The following BMPR1B variants were observed in gnomAD, a reference collection of about 807,000 sequenced individuals.
BMPR1B encodes bone morphogenetic protein receptor type-1B.
Under a neutral mutation model 59.1 loss-of-function variants are expected in BMPR1B, and 12 were observed. The observed-to-expected ratio is 0.20, with a 90% confidence interval of 0.13 to 0.33. The LOEUF is 0.33. Ranked by LOEUF, BMPR1B falls within the 10% of genes least tolerant of loss-of-function variation. BMPR1B has a pLI of 1.00. For synonymous variants in BMPR1B, 237 were observed against 207.3 expected (o/e 1.14, Z -1.23); for missense variants, 550 against 610.9 (o/e 0.90, Z 1.05).
chr4:94,838,073 G>C lies in BMPR1B; in HGVS notation c.-182-37758G>C, dbSNP rs1236246009. Among the ~76,000 whole-genome samples, 9 of 144,564 alleles carry C rather than the reference G, an allele frequency of 6.2e-5. 1 individual carries two copies. Among genetic ancestry groups the C allele is most frequent in the Non-Finnish European group, 1.2e-4 (8 of 65,388 alleles). The allele number at this position is 144,564 out of a possible 152,430, so 94.8% of individuals were successfully genotyped here. A position where few individuals can be genotyped will look rare whatever the true frequency, so the allele number is the denominator to read the frequency against. ...TGCTGGATTACATGTATTGATTTGCGTATATTGAACCAGTCTTGCATCCCA... is the reference window on the plus strand; with the variant it reads ...TGCTGGATTACATGTATTGATTTGCCTATATTGAACCAGTCTTGCATCCCA... On this transcript the variant is annotated intron_variant, in intron 1 of 12. Coordinates refer to ENST00000515059, the MANE Select transcript of BMPR1B (RefSeq NM_001203.3).
intron 3 of BMPR1B, among the ~76,000 whole-genome samples, chr4:95,063,691 A>G (rs1727582834): frequency 6.6e-6 from 1 of 152,232 alleles, no homozygotes; most frequent in South Asian, 2.1e-4. Context: ...AATCAGTAGT[A>G]GTAAATAAAA....
chr4:95,104,176 A>G (rs1284643956), intron 3 of BMPR1B, among the ~76,000 whole-genome samples: 1 of 152,152 alleles, frequency 6.6e-6, no homozygotes. Context: ...TTACAATTTA[A>G]TACATAAAAT....
intron 3 of BMPR1B, among the ~76,000 whole-genome samples, chr4:95,087,478 C>T (rs1027101840): frequency 2.0e-5 from 3 of 152,060 alleles, no homozygotes; most frequent in African/African-American, 7.2e-5. Context: ...CACCCGTAAT[C>T]CCAGAACTTT....
rs529267700 is a variant in BMPR1B, at chr4:94,768,804, A to G, written c.-183+10736A>G. 5.3e-5 allele frequency among the ~76,000 whole-genome samples: 8 copies of G among 152,310 alleles called. No homozygotes were observed. The South Asian group carries it at 1.4e-3, about 28-fold the overall frequency. ...ATTTGATTATGTAGTTTCACTTAAA[A>G]TGTTTTGTGAAATGTTTATATTTTG... On this transcript the variant is annotated intron_variant, in intron 1 of 12. Transcript: ENST00000515059.
intron 2 of BMPR1B, among the ~76,000 whole-genome samples, chr4:94,919,904 A>G (rs1048146042): frequency 6.6e-6 from 1 of 152,160 alleles, no homozygotes; most frequent in Non-Finnish European, 1.5e-5. Context: ...AAAAGTGGGG[A>G]CAGTGTCGTC....
chr4:94,780,277 A>G (rs887640739), intron 1 of BMPR1B, among the ~76,000 whole-genome samples: 5 of 152,196 alleles, frequency 3.3e-5, no homozygotes, highest in Non-Finnish European at 5.9e-5. Flanking sequence ...ATACAATATG[A>G]GATCTCTGGT....
chr4:95,050,806 T>C, intron 3 of BMPR1B, among the ~76,000 whole-genome samples: 1 of 152,334 alleles, frequency 6.6e-6, no homozygotes, highest in East Asian at 1.9e-4. Context: ...TGACAATTCA[T>C]TTATCTTTCT....
Position 95,109,867 on chromosome 4 carries a change from C to A in BMPR1B, c.144-4853C>A, listed in dbSNP as rs1000098515. 7.0e-5 allele frequency among the ~76,000 whole-genome samples: 9 copies of A among 128,010 alleles called. No individual in the cohort carries two copies. In the East Asian group the frequency reaches 1.1e-3, roughly 16 times the overall value. 84.0% of individuals were successfully genotyped at this position (128,010 alleles called of 152,430 possible). ...TAATGCTATCCCTCCCCCCTCCCCC[C>A]ACCCCACAACAGTCCCCGGTGTGTG... On this transcript the variant is annotated intron_variant, in intron 4 of 12. Transcript: ENST00000515059.
chr4:94,999,880 C>T (rs1222562636), intron 3 of BMPR1B, among the ~76,000 whole-genome samples: 1 of 152,110 alleles, frequency 6.6e-6, no homozygotes, highest in African/African-American at 2.4e-5. Flanking sequence ...CCATTTCAGG[C>T]AGAAGAAGAA....
intron 1 of BMPR1B, among the ~76,000 whole-genome samples, chr4:94,817,787 C>T (rs1056440103): frequency 6.6e-6 from 1 of 152,168 alleles, no homozygotes; most frequent in African/African-American, 2.4e-5. Flanking sequence ...TCAGGATCTT[C>T]AGAGAAAGAG....
chr4:95,064,910 A>G (rs1727685379), intron 3 of BMPR1B, among the ~76,000 whole-genome samples: 1 of 152,156 alleles, frequency 6.6e-6, no homozygotes, highest in African/African-American at 2.4e-5. Flanking sequence ...TGGAATCCTC[A>G]TCTGTGGCTC....
intron 3 of BMPR1B, among the ~76,000 whole-genome samples, chr4:95,070,080 CAA>C (rs1560630746): frequency 1.3e-5 from 2 of 152,086 alleles, no homozygotes; most frequent in Non-Finnish European, 2.9e-5. Context: ...GCCTGGGCAA[CAA>C]GAGAGAAACT....
At chr4:94,921,054 T>G (rs1261382615) in intron 2 of BMPR1B, among the ~76,000 whole-genome samples, 1 of 152,118 alleles carries the variant, frequency 6.6e-6, no homozygotes, top group Non-Finnish European at 1.5e-5. Context: ...AAAAGTAACT[T>G]TTTCTGAACT....
At chr4:94,999,207 C>T (rs1722273097) in intron 3 of BMPR1B, among the ~76,000 whole-genome samples, 1 of 151,934 alleles carries the variant, frequency 6.6e-6, no homozygotes, top group African/African-American at 2.4e-5. Context: ...TTATGCTTCC[C>T]CAAGACCTAG....
rs143486517 is a variant in BMPR1B at position 95,024,375 on chromosome 4, C to T, written c.-18+28241C>T. On this transcript the variant is annotated intron_variant, in intron 3 of 12. Transcript: ENST00000515059. ...GGTATCAGCTTTTTAGGATTTTCCC[C>T]GCTTTCTAGAATTCTCCTATGTCCT... Among the ~76,000 whole-genome samples the T allele has an allele frequency of 3.4e-3, 513 of 152,236 alleles. 3 individuals are homozygous for T. The highest frequency in any genetic ancestry group is 0.012 in the African/African-American group (486 of 41,534).
chr4:95,144,096 C>A (rs935649256), intron 10 of BMPR1B, among the ~76,000 whole-genome samples: 13 of 151,982 alleles, frequency 8.6e-5, no homozygotes, highest in Non-Finnish European at 1.6e-4. Flanking sequence ...TTCCCCTTTA[C>A]CCCCAGGCTC....
intron 1 of BMPR1B, among the ~76,000 whole-genome samples, chr4:94,873,187 C>T (rs551868207): frequency 1.4e-4 from 22 of 152,232 alleles, no homozygotes; most frequent in African/African-American, 4.8e-4. Context: ...TCTGTCACTT[C>T]GGATACTCTC....
At chr4:95,142,151 A>C (rs1035178771) in intron 10 of BMPR1B, among the ~76,000 whole-genome samples, 4 of 152,194 alleles carry the variant, frequency 2.6e-5, no homozygotes, top group African/African-American at 9.6e-5. Flanking sequence ...AGCAGCATTG[A>C]ATGTTGAAAG....
chr4:94,889,733 T>A (rs1398108868), intron 2 of BMPR1B, among the ~76,000 whole-genome samples: 1 of 152,010 alleles, frequency 6.6e-6, no homozygotes, highest in East Asian at 1.9e-4. Context: ...CAACAGATGG[T>A]TACTGTTTAA....
Sources: gnomAD v4.1 joint callset for allele counts (sites outside exome capture counted in the v4.1 genomes callset) on GRCh38, gnomAD v4.1.1 for gene constraint, MANE v1.5 for transcripts, NCBI Gene and HGNC (gene_info 2026-07-23, HGNC 2026-07-21) for gene names.